Variants in SETD7 observed in about 807,000 individuals in gnomAD.
SETD7 encodes histone-lysine N-methyltransferase SETD7.
In SETD7, 16 loss-of-function variants were observed where a neutral mutation model predicts 41.8. That is an observed-to-expected ratio of 0.38 (90% CI 0.26 to 0.58). The LOEUF is 0.58. Among genes scored for constraint, SETD7 ranks in the 20% least tolerant of loss-of-function variants. The pLI, the probability that SETD7 is intolerant of heterozygous loss-of-function variation, is 0.64. For synonymous variants in SETD7, 163 were observed against 169.7 expected, an observed-to-expected ratio of 0.96 and a Z score of 0.31; for missense variants, 346 against 459.7, an observed-to-expected ratio of 0.75 and a Z score of 2.26.
Position 139,555,632 on chromosome 4 carries a change from G to A in SETD7, c.40+466C>T, listed in dbSNP as rs1021325292. On this transcript the variant is annotated intron_variant, in intron 1 of 7. Transcript: ENST00000274031. The surrounding 1 kb of genome is among the most constrained non-coding windows in gnomAD (Gnocchi z 4.0). ...CTACCCGGACGGGGCCGCGGCCGCC[G>A]CGGGGCGCAGAGGCAGCAGAAGGGA... Among the ~76,000 whole-genome samples, 1 of 152,074 alleles carries A rather than the reference G, an allele frequency of 6.6e-6. No individual in the cohort carries two copies. Among genetic ancestry groups the A allele is most frequent in the African/African-American group, 2.4e-5 (1 of 41,446 alleles).
At chr4:139,528,803 G>T (rs1727400647) in intron 4 of SETD7, among the ~76,000 whole-genome samples, 1 of 152,156 alleles carries the variant, frequency 6.6e-6, no homozygotes, top group South Asian at 2.1e-4. Flanking sequence ...GTCTGGCCTG[G>T]CCCCCTAAGC....
rs1271646236 is a variant in SETD7 at position 139,529,126 on chromosome 4, T to A, written c.467A>T (p.Tyr156Phe). 8.1e-6 allele frequency: 13 copies of A among 1,613,984 alleles called. No individual in the cohort carries two copies. Among genetic ancestry groups the A allele is most frequent in the South Asian group, 1.1e-5 (1 of 91,082 alleles). The change falls in exon 4 of 8, where the codon TAT (tyrosine) becomes TTT (phenylalanine). Residue 156 changes from tyrosine to phenylalanine, a missense_variant. By Grantham distance (22) the Tyr-to-Phe change is conservative (BLOSUM62 3). This residue lies in a region of SETD7 where 266 missense variants were observed against 377.0 expected (regional missense o/e 0.71). Coordinates refer to ENST00000274031, the MANE Select transcript of SETD7 (RefSeq NM_030648.4). The part of the protein sequence containing the change: ...YVYPDERTAL[Y>F]GKFIDGEMIE... ...CATCTCTCCATCAATAAATTTCCCA[T>A]AAAGTGCGGTCCTCTCATCAGGGTA...
intron 6 of SETD7, 106 bp downstream of exon 6, chr4:139,520,171 C>A: frequency 5.4e-6 from 3 of 558,808 alleles, no homozygotes; most frequent in African/African-American, 1.9e-5. Context: ...ACAAAAAAGC[C>A]AATCTGCTTC....
downstream of SETD7, among the ~76,000 whole-genome samples, chr4:139,504,473 T>G (rs2111112151): frequency 2.0e-5 from 3 of 152,326 alleles, 1 homozygote; most frequent in South Asian, 6.2e-4. Flanking sequence ...TCCTTTTTTT[T>G]TCAGCTTCAA....
At chr4:139,497,938 AAATC>A (rs1180118313) in intron 7 of SETD7, among the ~76,000 whole-genome samples, 3 of 152,192 alleles carry the variant, frequency 2.0e-5, no homozygotes, top group African/African-American at 7.2e-5. Flanking sequence ...GTATGAGAAT[AAATC>A]CTCACCACAA....
chr4:139,520,861 TA>T (rs1727159655), intron 5 of SETD7, among the ~76,000 whole-genome samples: 1 of 152,186 alleles, frequency 6.6e-6, no homozygotes, highest in South Asian at 2.1e-4. Context: ...AAACAATTAA[TA>T]AGATATATCC....
intron 2 of SETD7, among the ~76,000 whole-genome samples, chr4:139,538,989 A>C (rs551017837): frequency 2.0e-5 from 3 of 152,320 alleles, no homozygotes; most frequent in African/African-American, 2.4e-5. Context: ...GAAATGGATA[A>C]ATTTTATAGT....
chr4:139,505,483 G>C (rs1245599051), downstream of SETD7, among the ~76,000 whole-genome samples: 1 of 152,072 alleles, frequency 6.6e-6, no homozygotes, highest in Non-Finnish European at 1.5e-5. Flanking sequence ...CAGCTACTTG[G>C]GAGGCTGAGG....
chr4:139,548,797 A>G (rs544656979), intron 1 of SETD7, among the ~76,000 whole-genome samples: 3 of 152,342 alleles, frequency 2.0e-5, no homozygotes, highest in South Asian at 4.1e-4. Context: ...TAAATAAATC[A>G]TAATCAATAT....
chr4:139,525,367 G>A (rs188000747), intron 4 of SETD7, among the ~76,000 whole-genome samples: 14 of 152,258 alleles, frequency 9.2e-5, no homozygotes, highest in Non-Finnish European at 1.9e-4. Flanking sequence ...ACATGCCCAG[G>A]CTGCAGGCAC....
intron 7 of SETD7, among the ~76,000 whole-genome samples, chr4:139,497,235 A>C (rs982344170): frequency 1.3e-5 from 2 of 152,068 alleles, no homozygotes; most frequent in African/African-American, 4.8e-5. Flanking sequence ...TGGGCGAATC[A>C]CCCAAGGTTG....
intron 2 of SETD7, among the ~76,000 whole-genome samples, chr4:139,539,615 T>A (rs1203301876): frequency 2.0e-5 from 3 of 152,212 alleles, no homozygotes; most frequent in African/African-American, 4.8e-5. Context: ...GAAGAGTGAA[T>A]AATGAAATTT....
At chr4:139,528,504 T>G (rs950582907) in intron 4 of SETD7, among the ~76,000 whole-genome samples, 4 of 152,246 alleles carry the variant, frequency 2.6e-5, no homozygotes, top group African/African-American at 9.6e-5. Flanking sequence ...CTAGGCCCTT[T>G]GTCACATGAC....
intron 1 of SETD7, among the ~76,000 whole-genome samples, chr4:139,547,441 T>C (rs530758881): frequency 1.4e-4 from 22 of 152,384 alleles, no homozygotes; most frequent in African/African-American, 5.0e-4. Context: ...CAATCTCTCA[T>C]GCTTAACTGA....
chr4:139,552,881 A>T (rs1728150696), intron 1 of SETD7, among the ~76,000 whole-genome samples: 1 of 152,232 alleles, frequency 6.6e-6, no homozygotes, highest in South Asian at 2.1e-4. Flanking sequence ...ATTAGAGACC[A>T]CATCATATTC....
At chr4:139,553,652 T>C (rs1243358876) in intron 1 of SETD7, among the ~76,000 whole-genome samples, 1 of 152,176 alleles carries the variant, frequency 6.6e-6, no homozygotes, top group East Asian at 1.9e-4. Context: ...ACCCACCTCA[T>C]AAGACTGAAT....
intron 7 of SETD7, among the ~76,000 whole-genome samples, chr4:139,512,719 T>C (rs1400238563): frequency 2.6e-5 from 4 of 150,976 alleles, no homozygotes; most frequent in Non-Finnish European, 5.9e-5. Flanking sequence ...GTCAAATCAA[T>C]CTCATTCATT....
At chr4:139,504,857 G>T (rs968548709), downstream of SETD7, among the ~76,000 whole-genome samples, 1 of 152,104 alleles carries the variant, frequency 6.6e-6, no homozygotes, top group African/African-American at 2.4e-5. Flanking sequence ...TCACTTTCAA[G>T]GTTAGCTTCT....
Position 139,497,522 on chromosome 4 carries a change from TAATC to T in SETD7, c.921-1005_921-1002del, listed in dbSNP as rs545191056. The stretch of plus-strand genomic sequence containing the variant: ...CCTGGAAGTGGTGTCTTAATTTAGC[TAATC>T]AAAGTTCAACCTGATGATAGGAAAG... On this transcript the variant is annotated intron_variant, in intron 7 of 7. Transcript: ENST00000506866. Among the ~76,000 whole-genome samples the T allele has an allele frequency of 3.9e-5, 6 of 152,028 alleles. No individual in the cohort carries two copies. In the East Asian group the frequency reaches 1.2e-3, roughly 29 times the overall value.
Sources: gnomAD v4.1 joint callset for allele counts (sites outside exome capture counted in the v4.1 genomes callset) on GRCh38, gnomAD v4.1.1 for gene constraint, gnomAD v4.1.1 regional missense constraint, Gnocchi (gnomAD v3.1) non-coding constraint, MANE v1.5 for transcripts, NCBI Gene and HGNC (gene_info 2026-07-23, HGNC 2026-07-21) for gene names.